The following NCAM2 variants were observed in gnomAD, a reference collection of about 807,000 sequenced individuals.
The protein encoded by NCAM2 is N-CAM-2.
In NCAM2, 30 loss-of-function variants were observed where a neutral mutation model predicts 98.1. That is an observed-to-expected ratio of 0.31 (90% confidence interval 0.23 to 0.41). The LOEUF (loss-of-function observed/expected upper bound fraction) is 0.41. Ranked by LOEUF, NCAM2 falls within the 10% of genes least tolerant of loss-of-function variation. The probability of loss-of-function intolerance (pLI) is 1.00; values close to 1 mark genes in which losing one functional copy is unlikely to be tolerated. For synonymous variants in NCAM2, 368 were observed against 342.4 expected (o/e 1.07, Z -0.83); for missense variants, 867 against 1,005.8 (o/e 0.86, Z 1.87).
At chr21:21,474,475 G>T (rs1004187204) in intron 14 of NCAM2, among the ~76,000 whole-genome samples, 3 of 151,924 alleles carry the variant, frequency 2.0e-5, no homozygotes, top group Non-Finnish European at 4.4e-5. Flanking sequence ...TGAAGGACAT[G>T]ACATCTATCT....
intron 13 of NCAM2, among the ~76,000 whole-genome samples, 153 bp from the exon 14 acceptor site, chr21:21,468,509 T>A (rs2849936): frequency 0.56 from 84,503 of 151,444 alleles, 24,918 homozygotes; most frequent in African/African-American, 0.7. Context: ...GGGGAAAATG[T>A]TCAGAAATTA....
At chr21:21,056,203 A>G (rs972841428) in intron 1 of NCAM2, among the ~76,000 whole-genome samples, 2 of 152,126 alleles carry the variant, frequency 1.3e-5, no homozygotes, top group Non-Finnish European at 2.9e-5. Flanking sequence ...AGATCTAAAC[A>G]TGGAATCAGG....
chr21:21,094,648 C>T (rs1182651204), intron 1 of NCAM2, among the ~76,000 whole-genome samples: 3 of 151,536 alleles, frequency 2.0e-5, no homozygotes, highest in South Asian at 2.1e-4. Context: ...TTTCTAAATA[C>T]GTTCTCAGAA....
intron 1 of NCAM2, among the ~76,000 whole-genome samples, chr21:21,127,120 CGG>C (rs1476755704): frequency 6.6e-6 from 1 of 151,546 alleles, no homozygotes; most frequent in African/African-American, 2.4e-5. Context: ...ATTTACATGA[CGG>C]TTTTATTTGT....
intron 1 of NCAM2, among the ~76,000 whole-genome samples, chr21:21,021,801 A>G (rs1439235307): frequency 6.6e-6 from 1 of 152,170 alleles, no homozygotes; most frequent in Non-Finnish European, 1.5e-5. Flanking sequence ...TCATTTGAAC[A>G]TGTAATCTCA....
chr21:21,493,936 C>T (rs1159816403), intron 15 of NCAM2, among the ~76,000 whole-genome samples: 2 of 151,776 alleles, frequency 1.3e-5, no homozygotes, highest in East Asian at 1.9e-4. Flanking sequence ...TAATAATAGA[C>T]GTTTATAAAC....
chr21:21,408,983 T>TCC (rs2076801057), intron 9 of NCAM2, among the ~76,000 whole-genome samples: 4 of 151,386 alleles, frequency 2.6e-5, no homozygotes, highest in South Asian at 2.1e-4. Flanking sequence ...TTTTAAGTAG[T>TCC]TTGCAGTAAT....
At chr21:21,382,731 C>T (rs1318100517) in intron 9 of NCAM2, among the ~76,000 whole-genome samples, 2 of 151,892 alleles carry the variant, frequency 1.3e-5, no homozygotes, top group Admixed American at 6.6e-5. Context: ...GGGGTTTCGC[C>T]ATGTTGGCCA....
intron 1 of NCAM2, among the ~76,000 whole-genome samples, chr21:21,125,075 T>A (rs1383400040): frequency 2.0e-5 from 3 of 152,052 alleles, no homozygotes; most frequent in Non-Finnish European, 4.4e-5. Flanking sequence ...TTACCTATAT[T>A]CTGTAGTTGT....
intron 1 of NCAM2, among the ~76,000 whole-genome samples, chr21:21,050,622 C>A (rs896904286): frequency 6.6e-6 from 1 of 152,146 alleles, no homozygotes; most frequent in Non-Finnish European, 1.5e-5. Context: ...TATTCATCTT[C>A]GGATTCCCAA....
At chr21:21,214,739 A>ATG in intron 1 of NCAM2, among the ~76,000 whole-genome samples, 1 of 99,296 alleles carries the variant, frequency 1.0e-5, no homozygotes. Flanking sequence ...ATATATATAT[A>ATG]TATATATACA....
intron 1 of NCAM2, among the ~76,000 whole-genome samples, chr21:21,150,901 A>G (rs1433968688): frequency 1.3e-5 from 2 of 151,586 alleles, no homozygotes; most frequent in African/African-American, 4.8e-5. Context: ...GCTGGATGCT[A>G]TTTTTTCTTA....
chr21:21,395,097 C>A (rs149899642), intron 9 of NCAM2, among the ~76,000 whole-genome samples: 1 of 152,052 alleles, frequency 6.6e-6, no homozygotes, highest in African/African-American at 2.4e-5. Flanking sequence ...TTTGGCAGGC[C>A]GAGGTAGGTG....
At chr21:21,239,836 G>A (rs1475195094) in intron 1 of NCAM2, among the ~76,000 whole-genome samples, 3 of 152,034 alleles carry the variant, frequency 2.0e-5, no homozygotes, top group Non-Finnish European at 2.9e-5. Flanking sequence ...TAAAAATTGA[G>A]GTTGGGATTC....
At chr21:21,056,072 A>AT in intron 1 of NCAM2, among the ~76,000 whole-genome samples, 2 of 151,166 alleles carry the variant, frequency 1.3e-5, no homozygotes, top group Middle Eastern at 6.8e-3. Context: ...TGGCTTAAGC[A>AT]TTTTTTATTT....
At chr21:21,101,081 A>C (rs2066231202) in intron 1 of NCAM2, among the ~76,000 whole-genome samples, 1 of 152,024 alleles carries the variant, frequency 6.6e-6, no homozygotes, top group South Asian at 2.1e-4. Context: ...AGGTATTACA[A>C]AGAAGAGAAT....
At chr21:21,525,659 C>T (rs922796998) in intron 16 of NCAM2, among the ~76,000 whole-genome samples, 1 of 152,034 alleles carries the variant, frequency 6.6e-6, no homozygotes, top group Non-Finnish European at 1.5e-5. Context: ...CTTTCTCATT[C>T]TATGAAGCCA....
chr21:21,382,473 TC>T (rs1295090978), intron 9 of NCAM2, among the ~76,000 whole-genome samples: 14 of 152,024 alleles, frequency 9.2e-5, no homozygotes, highest in African/African-American at 3.4e-4. Context: ...TCATCTCGTT[TC>T]TGCTGGTGAG....
Position 21,092,465 on chromosome 21 carries a change from G to T in NCAM2, c.55+93847G>T, listed in dbSNP as rs1196217428. On this transcript the variant is annotated intron_variant, in intron 1 of 17. Transcript: ENST00000400546. ...ATAATATTATTAATTTTATCTGTCA[G>T]TTATACACATGAATATTTATTAGCA... 2.6e-5 allele frequency among the ~76,000 whole-genome samples: 4 copies of T among 151,972 alleles called. No homozygotes were observed. In the East Asian group the frequency reaches 5.8e-4, roughly 22 times the overall value.
Sources: allele counts gnomAD v4.1 joint callset (sites outside exome capture counted in the v4.1 genomes callset), GRCh38; gene constraint gnomAD v4.1.1; transcripts MANE v1.5; gene names NCBI Gene and HGNC (gene_info 2026-07-23, HGNC 2026-07-21).